The following EVI5 variants were observed in gnomAD, a reference collection of about 807,000 sequenced individuals.
EVI5 encodes ecotropic viral integration site 5 protein homolog.
A neutral mutation model predicts 112.0 loss-of-function variants in EVI5; 73 were observed. The observed-to-expected ratio is 0.65, with a 90% CI of 0.54 to 0.79. The LOEUF (loss-of-function observed/expected upper bound fraction) is 0.79, where lower values mean the gene tolerates loss of function less well. EVI5 is among the 30% of genes least tolerant of loss of function. The pLI, the probability that EVI5 is intolerant of heterozygous loss-of-function variation, is 0.00. For synonymous variants in EVI5, 305 were observed against 319.9 expected (o/e 0.95, Z 0.50); for missense variants, 900 against 968.8 (o/e 0.93, Z 0.94).
At chr1:92,703,330 A>G (rs2102545267) in intron 4 of EVI5, 65 bp downstream of exon 4, 4 of 1,015,490 alleles carry the variant, frequency 3.9e-6, no homozygotes, top group Non-Finnish European at 4.4e-6. Flanking sequence ...TTCATCATGA[A>G]AAATGTATAA....
chr1:92,552,366 T>A (rs1012612932), intron 19 of EVI5, among the ~76,000 whole-genome samples: 6 of 152,228 alleles, frequency 3.9e-5, no homozygotes, highest in African/African-American at 1.2e-4. Context: ...TTAGAATAAA[T>A]GAAATTAAGT....
At chr1:92,736,361 A>G (rs202190275) in intron 2 of EVI5, 37 bp downstream of exon 2, 17 of 1,346,006 alleles carry the variant, frequency 1.3e-5, no homozygotes, top group Non-Finnish European at 1.8e-5. Context: ...CTGGATTTGT[A>G]TAATTGGAGA....
At chr1:92,576,445 C>G (rs1006936299) in intron 18 of EVI5, among the ~76,000 whole-genome samples, 4 of 152,030 alleles carry the variant, frequency 2.6e-5, no homozygotes, top group Non-Finnish European at 4.4e-5. Context: ...CCAAAGAATT[C>G]TCTCCATATT....
chr1:92,662,245 T>C (rs1272209671), intron 13 of EVI5, among the ~76,000 whole-genome samples: 1 of 152,174 alleles, frequency 6.6e-6, no homozygotes, highest in African/African-American at 2.4e-5. Flanking sequence ...GTCTAAGCAA[T>C]AGTATTTCGT....
chr1:92,515,385 C>T (rs1659699428), intron 19 of EVI5, among the ~76,000 whole-genome samples: 1 of 152,202 alleles, frequency 6.6e-6, no homozygotes, highest in African/African-American at 2.4e-5. Flanking sequence ...ACTCCCAAAT[C>T]CACAACCATG....
intron 13 of EVI5, among the ~76,000 whole-genome samples, chr1:92,657,171 T>G (rs1459605861): frequency 6.6e-6 from 1 of 152,090 alleles, no homozygotes; most frequent in Non-Finnish European, 1.5e-5. Context: ...ATCATAAAGA[T>G]AATATATCAC....
intron 14 of EVI5, among the ~76,000 whole-genome samples, chr1:92,634,611 G>A (rs1341603000): frequency 6.6e-6 from 1 of 152,056 alleles, no homozygotes; most frequent in Non-Finnish European, 1.5e-5. Flanking sequence ...TAACTTCTTT[G>A]CCATGGGTTC....
chr1:92,674,706 G>A (rs986484396), intron 10 of EVI5, among the ~76,000 whole-genome samples: 2 of 142,652 alleles, frequency 1.4e-5, no homozygotes, highest in Non-Finnish European at 3.2e-5. Context: ...AAAGTATTCA[G>A]TTGAAAAAAA....
chr1:92,562,014 A>T (rs542646617), intron 19 of EVI5, among the ~76,000 whole-genome samples: 1 of 152,318 alleles, frequency 6.6e-6, no homozygotes, highest in East Asian at 1.9e-4. Flanking sequence ...TAGTTTTAGA[A>T]ATAAAGTCAA....
intron 14 of EVI5, among the ~76,000 whole-genome samples, chr1:92,630,845 A>G (rs1484062546): frequency 6.6e-6 from 1 of 152,196 alleles, no homozygotes; most frequent in Non-Finnish European, 1.5e-5. Context: ...TAATTTTTGT[A>G]TAAGGTGTAA....
In EVI5 at chr1:92,638,082, T is replaced by C. The variant is rs72966745; in HGVS notation, c.1393-1746A>G. 2.8e-3 allele frequency among the ~76,000 whole-genome samples: 424 copies of C among 152,268 alleles called. 1 individual carries two copies. The highest frequency in any genetic ancestry group is 9.1e-3 in the African/African-American group (379 of 41,564). ...ATTTCGTGGGTACTGGAAGAATTTTTTTGCCCTCAACTTAAAGCCCTGGCA... is the reference window on the plus strand; with the variant it reads ...ATTTCGTGGGTACTGGAAGAATTTTCTTGCCCTCAACTTAAAGCCCTGGCA... On this transcript the variant is annotated intron_variant, in intron 13 of 19. Coordinates refer to ENST00000684568, the MANE Select transcript of EVI5 (RefSeq NM_001350197.2).
At chr1:92,595,380 A>T in intron 18 of EVI5, among the ~76,000 whole-genome samples, 1 of 151,856 alleles carries the variant, frequency 6.6e-6, no homozygotes, top group East Asian at 1.9e-4. Flanking sequence ...ACACACGGAC[A>T]CAGGAAGGGG....
chr1:92,589,755 T>C (rs1317818855), intron 18 of EVI5, among the ~76,000 whole-genome samples: 1 of 152,134 alleles, frequency 6.6e-6, no homozygotes, highest in African/African-American at 2.4e-5. Context: ...TCTGACAGCT[T>C]TGAAGAGAGT....
intron 13 of EVI5, among the ~76,000 whole-genome samples, chr1:92,656,623 A>G (rs149258201): frequency 6.6e-6 from 1 of 152,128 alleles, no homozygotes; most frequent in Non-Finnish European, 1.5e-5. Context: ...GAAAAAAATA[A>G]ACAAAACCAA....
chr1:92,747,164 A>G (rs1679385718), intron 1 of EVI5, among the ~76,000 whole-genome samples: 1 of 152,184 alleles, frequency 6.6e-6, no homozygotes, highest in Non-Finnish European at 1.5e-5. Context: ...ACAGTACTGT[A>G]TAACAACTAC....
In EVI5 at chr1:92,704,803, T is replaced by C. The variant is rs117020466; in HGVS notation, c.150-59A>G. The C allele has an allele frequency of 5.5e-4, 385 of 700,308 alleles. 7 individuals are homozygous for C. In the East Asian group the frequency reaches 6.4e-3, roughly 12 times the overall value. The allele number at this position is 700,308 out of a possible 1,614,324, so 43.4% of individuals were successfully genotyped here. On this transcript the variant is annotated intron_variant, in intron 2 of 19. Coordinates refer to ENST00000684568, the MANE Select transcript of EVI5 (RefSeq NM_001350197.2). ...TCGGACAGTGATATTAGAAGAGGCA[T>C]TGATGATACTTAGAGCTTTATTACT...
intron 14 of EVI5, among the ~76,000 whole-genome samples, chr1:92,627,685 T>C (rs779541637): frequency 1.3e-5 from 2 of 152,226 alleles, no homozygotes; most frequent in Non-Finnish European, 2.9e-5. Context: ...CACGCCAACA[T>C]CTACTGTTTT....
chr1:92,579,452 G>C (rs1340546590), intron 18 of EVI5, among the ~76,000 whole-genome samples: 3 of 152,000 alleles, frequency 2.0e-5, no homozygotes, highest in Non-Finnish European at 4.4e-5. Context: ...ATAAAACAAA[G>C]ATAAATCAAA....
intron 2 of EVI5, among the ~76,000 whole-genome samples, chr1:92,734,386 C>T (rs953030160): frequency 5.9e-5 from 9 of 152,172 alleles, no homozygotes; most frequent in Non-Finnish European, 1.2e-4. Flanking sequence ...TACATTTTAC[C>T]AACAAATTCA....
Sources: allele counts gnomAD v4.1 joint callset (sites outside exome capture counted in the v4.1 genomes callset), GRCh38; gene constraint gnomAD v4.1.1; transcripts MANE v1.5; gene names NCBI Gene and HGNC (gene_info 2026-07-23, HGNC 2026-07-21).